Variants in PHLPP1 observed in about 807,000 individuals in gnomAD.
The protein encoded by PHLPP1 is PH domain and leucine rich repeat protein phosphatase 1.
PHLPP1 carries 42 observed loss-of-function variants against 117.2 expected under a neutral mutation model. That is an observed-to-expected ratio of 0.36 (90% CI 0.28 to 0.46). The LOEUF is 0.46. Ranked by LOEUF, PHLPP1 falls within the 20% of genes least tolerant of loss-of-function variation. PHLPP1 has a pLI of 1.00. For synonymous variants in PHLPP1, 1,042 were observed against 970.7 expected (o/e 1.07, Z -1.37); for missense variants, 2,084 against 2,241.9 (o/e 0.93, Z 1.42).
rs1341142827 is a variant in PHLPP1, at chr18:62,978,921, CGAT to C, written c.4647_4649del (p.Asp1549del). On this transcript the variant is annotated inframe_deletion, in exon 17 of 17. Coordinates refer to ENST00000262719, the MANE Select transcript of PHLPP1 (RefSeq NM_194449.4). The surrounding 1 kb of genome is among the most constrained non-coding windows in gnomAD (Gnocchi z 7.0). ...TCTCCGACAACGGCCTTGACAGTGA[CGAT>C]GAGGAGCCCATCGAGGGCGTCTTCA... 1 of 1,607,980 alleles carries C rather than the reference CGAT, an allele frequency of 6.2e-7. No individual in the cohort carries two copies. Among genetic ancestry groups the C allele is most frequent in the Non-Finnish European group, 8.5e-7 (1 of 1,177,298 alleles).
At chr18:62,827,583 C>G (rs912860190) in intron 1 of PHLPP1, among the ~76,000 whole-genome samples, 7 of 152,108 alleles carry the variant, frequency 4.6e-5, no homozygotes, top group African/African-American at 1.7e-4. Flanking sequence ...TCTGGTACAC[C>G]CAGGGAGAGG....
intron 12 of PHLPP1, among the ~76,000 whole-genome samples, chr18:62,958,202 G>A (rs370156049): frequency 4.6e-5 from 7 of 152,306 alleles, no homozygotes; most frequent in African/African-American, 7.2e-5. Context: ...GATTATAAGC[G>A]TGAGCCTCTG....
intron 2 of PHLPP1, chr18:62,838,456 A>C (rs1914965940): frequency 5.3e-6 from 1 of 187,108 alleles, no homozygotes; most frequent in South Asian, 1.7e-4. Flanking sequence ...TAAAATCTTA[A>C]GTAAAAATTC....
intron 3 of PHLPP1, among the ~76,000 whole-genome samples, chr18:62,853,763 G>A (rs1173250952): frequency 6.6e-6 from 1 of 152,192 alleles, no homozygotes; most frequent in Non-Finnish European, 1.5e-5. Context: ...GTTCATTGAT[G>A]GTCTGGCTAA....
At chr18:62,772,559 C>CT (rs1879148931) in intron 1 of PHLPP1, among the ~76,000 whole-genome samples, 1 of 151,986 alleles carries the variant, frequency 6.6e-6, no homozygotes, top group African/African-American at 2.4e-5. Context: ...ATTGGGCATG[C>CT]TGGCTCATGC....
At chr18:62,762,660 T>C (rs1021670760) in intron 1 of PHLPP1, among the ~76,000 whole-genome samples, 1 of 152,130 alleles carries the variant, frequency 6.6e-6, no homozygotes, top group African/African-American at 2.4e-5. Context: ...ATGATCCACC[T>C]GCCTTGGCCT....
intron 12 of PHLPP1, among the ~76,000 whole-genome samples, chr18:62,948,391 A>G (rs971208062): frequency 3.9e-5 from 6 of 152,152 alleles, no homozygotes; most frequent in Admixed American, 3.3e-4. Context: ...ATTTTGCTGT[A>G]TGAAAACTAA....
chr18:62,729,356 T>C (rs1008175955), intron 1 of PHLPP1, among the ~76,000 whole-genome samples: 4 of 152,184 alleles, frequency 2.6e-5, no homozygotes, highest in African/African-American at 7.2e-5. Flanking sequence ...ATAGGCTTTT[T>C]AATACATGAA....
At chr18:62,747,767 G>C (rs188909873) in intron 1 of PHLPP1, among the ~76,000 whole-genome samples, 1 of 151,682 alleles carries the variant, frequency 6.6e-6, no homozygotes, top group African/African-American at 2.4e-5. Flanking sequence ...TGATCCTCTC[G>C]CCTTGGCCTT....
At chr18:62,915,120 C>A in intron 9 of PHLPP1, 112 bp downstream of exon 9, 1 of 730,626 alleles carries the variant, frequency 1.4e-6, no homozygotes, top group Non-Finnish European at 2.3e-6. Context: ...GCTTTAAAAA[C>A]TAATATGGTG....
chr18:62,813,089 G>A (rs575257998), intron 1 of PHLPP1, among the ~76,000 whole-genome samples: 1 of 152,284 alleles, frequency 6.6e-6, no homozygotes, highest in East Asian at 1.9e-4. Flanking sequence ...GACAAGTGAA[G>A]GTTGATTTTG....
chr18:62,913,820 G>A (rs1333852145), intron 8 of PHLPP1, among the ~76,000 whole-genome samples: 1 of 142,902 alleles, frequency 7.0e-6, no homozygotes, highest in African/African-American at 2.6e-5. Context: ...CTTGGCTCAC[G>A]GCAACCTCCG....
At chr18:62,727,433 AC>A (rs1435436300) in intron 1 of PHLPP1, among the ~76,000 whole-genome samples, 1 of 151,860 alleles carries the variant, frequency 6.6e-6, no homozygotes, top group African/African-American at 2.4e-5. Flanking sequence ...ACATAGTGAG[AC>A]CCATTCTCTA....
intron 1 of PHLPP1, among the ~76,000 whole-genome samples, chr18:62,722,449 G>A (rs1910949808): frequency 1.3e-5 from 2 of 152,176 alleles, no homozygotes; most frequent in Admixed American, 1.3e-4. Flanking sequence ...TTGAAAAAGA[G>A]AAAGAGATGT....
chr18:62,891,144 G>C (rs1916397072), intron 4 of PHLPP1, among the ~76,000 whole-genome samples: 1 of 152,126 alleles, frequency 6.6e-6, no homozygotes, highest in Non-Finnish European at 1.5e-5. Context: ...AATATTTATT[G>C]TTTATCTGAA....
At chr18:62,871,644 A>ATTTTTTTTT (rs71160879) in intron 4 of PHLPP1, among the ~76,000 whole-genome samples, 3 of 108,622 alleles carry the variant, frequency 2.8e-5, no homozygotes, top group Non-Finnish European at 5.6e-5. Context: ...AGCTCTGAAA[A>ATTTTTTTTT]TTTTTTTTTT....
chr18:62,966,944 A>G (rs543779266), intron 14 of PHLPP1, among the ~76,000 whole-genome samples: 97 of 152,272 alleles, frequency 6.4e-4, no homozygotes, highest in Admixed American at 1.0e-3. Context: ...TGCCTTTTCC[A>G]GGATGTCCTA....
At chr18:62,869,927 G>A (rs890892485) in intron 4 of PHLPP1, among the ~76,000 whole-genome samples, 1 of 151,978 alleles carries the variant, frequency 6.6e-6, no homozygotes, top group Non-Finnish European at 1.5e-5. Flanking sequence ...TTGCTCTGTC[G>A]CCCAGGCTGG....
At chr18:62,837,220 G>A (rs1204709438) in intron 2 of PHLPP1, among the ~76,000 whole-genome samples, 1 of 152,100 alleles carries the variant, frequency 6.6e-6, no homozygotes, top group African/African-American at 2.4e-5. Context: ...TCCAACTCCT[G>A]GGCTCAAGCG....
Sources: allele counts gnomAD v4.1 joint callset (sites outside exome capture counted in the v4.1 genomes callset), GRCh38; gene constraint gnomAD v4.1.1; non-coding constraint Gnocchi (gnomAD v3.1); transcripts MANE v1.5; gene names NCBI Gene and HGNC (gene_info 2026-07-23, HGNC 2026-07-21).